MAK: variants seen among roughly 807,000 people sequenced by gnomAD.
MAK encodes the protein male germ cell associated kinase, also known as serine/threonine-protein kinase MAK.
Under a neutral mutation model 82.6 loss-of-function variants are expected in MAK, and 65 were observed. That is an observed-to-expected ratio of 0.79 (90% CI 0.64 to 0.97). The LOEUF (loss-of-function observed/expected upper bound fraction) is 0.97, where lower values mean the gene tolerates loss of function less well. Among genes scored for constraint, MAK ranks in the 50% least tolerant of loss-of-function variants. MAK has a pLI of 0.00. For synonymous variants in MAK, 250 were observed against 274.2 expected (o/e 0.91, Z 0.87); for missense variants, 703 against 780.2 (o/e 0.90, Z 1.18).
intron 2 of MAK, among the ~76,000 whole-genome samples, chr6:10,827,033 C>T (rs1778426224): frequency 6.6e-6 from 1 of 152,166 alleles, no homozygotes; most frequent in Non-Finnish European, 1.5e-5. Context: ...ATCGCTTGAA[C>T]CCAGGAGGCA....
rs146443407 is a variant in MAK at position 10,833,591 on chromosome 6, C to T, written c.-229-2714G>A. On this transcript the variant is annotated intron_variant, in intron 1 of 14. Transcript: ENST00000354489. ...CTGCACTCCCACCTGGGCAACAGTG[C>T]GAGACTCTGTCTCAAAATAATAATA... is the stretch of plus-strand genomic sequence containing the variant. Among the ~76,000 whole-genome samples, 613 of 145,630 alleles carry T rather than the reference C, an allele frequency of 4.2e-3. 5 individuals carry two copies. Among genetic ancestry groups the T allele is most frequent in the Middle Eastern group, 0.021 (6 of 290 alleles).
intron 4 of MAK, 91 bp downstream of exon 4, chr6:10,817,759 A>T: frequency 9.2e-7 from 1 of 1,082,652 alleles, no homozygotes; most frequent in Non-Finnish European, 1.3e-6. Flanking sequence ...TTTTGGAGCA[A>T]TCAATCTTTC....
At position 10,775,404 on chromosome 6, in the gene MAK, G is replaced by C. The variant is rs375261960; in HGVS notation, c.1521C>G (p.His507Gln). 1.2e-6 allele frequency: 2 copies of C among 1,613,910 alleles called. No homozygotes were observed. The highest frequency in any genetic ancestry group is 1.7e-6 in the Non-Finnish European group (2 of 1,179,918). ...LIASGKEINP[H>Q]TWSNQLFPKS... ...TGGGGAATAACTGGTTGCTCCAAGT[G>C]TGGGGGTTTATTTCCTTTCCACTGG... Residue 507 changes from histidine to glutamine, a missense_variant, in exon 12 of 15, where the codon CAC becomes CAG. Transcript: ENST00000354489.
At chr6:10,820,771 C>T (rs115398756) in intron 2 of MAK, among the ~76,000 whole-genome samples, 1,560 of 152,172 alleles carry the variant, frequency 0.01, 31 homozygotes, top group African/African-American at 0.036. Context: ...TTAAAAGATA[C>T]TTTTCAGTGC....
chr6:10,777,366 T>C (rs1430423644), intron 11 of MAK, among the ~76,000 whole-genome samples: 1 of 150,840 alleles, frequency 6.6e-6, no homozygotes, highest in African/African-American at 2.4e-5. Context: ...GAGCTGAGAC[T>C]GTGCCACTGC....
intron 11 of MAK, chr6:10,779,466 CG>C: frequency 1.0e-6 from 1 of 985,286 alleles, no homozygotes; most frequent in Non-Finnish European, 1.2e-6. Flanking sequence ...GTCACAGATC[CG>C]CCAGTCCTTG....
chr6:10,781,891 T>C (rs574879172), intron 11 of MAK, among the ~76,000 whole-genome samples: 5 of 152,130 alleles, frequency 3.3e-5, no homozygotes, highest in African/African-American at 9.6e-5. Context: ...AGCCTAAAAA[T>C]GTGCTTACAT....
At chr6:10,824,856 G>A (rs1348228283) in intron 2 of MAK, among the ~76,000 whole-genome samples, 1 of 152,124 alleles carries the variant, frequency 6.6e-6, no homozygotes, top group Non-Finnish European at 1.5e-5. Context: ...CACCGTGGCC[G>A]CCAGTTATGT....
At chr6:10,784,740 G>A (rs1272853117) in intron 10 of MAK, 168 bp from the exon 11 acceptor site, 28 of 699,358 alleles carry the variant, frequency 4.0e-5, no homozygotes, top group Admixed American at 1.0e-4. Flanking sequence ...CCCTCCACCC[G>A]CGTAGATATT....
rs1048260036 is a variant in MAK, at chr6:10,793,180, G to C, written c.1144-1333C>G. Among the ~76,000 whole-genome samples, 9 of 152,216 alleles carry C rather than the reference G, an allele frequency of 5.9e-5. No individual in the cohort carries two copies. Among genetic ancestry groups the C allele is most frequent in the Admixed American group, 2.0e-4 (3 of 15,274 alleles). ...TGAGCACTAAGGAAAAACAGTGATA[G>C]CTCATATAGACCACACTTTTTCATA... On this transcript the variant is annotated intron_variant, in intron 9 of 14. Coordinates refer to ENST00000354489, the MANE Select transcript of MAK (RefSeq NM_001242957.3). The surrounding 1 kb of genome is among the most constrained non-coding windows in gnomAD (Gnocchi z 4.6).
intron 10 of MAK, chr6:10,784,954 T>C (rs976460728): frequency 1.3e-5 from 6 of 463,546 alleles, no homozygotes; most frequent in Non-Finnish European, 2.2e-5. Context: ...ATGAGGTTGT[T>C]TGGGGCATGG....
At chr6:10,815,661 A>G (rs1467679720) in intron 4 of MAK, among the ~76,000 whole-genome samples, 2 of 152,006 alleles carry the variant, frequency 1.3e-5, no homozygotes, top group Non-Finnish European at 2.9e-5. Context: ...TGGTCTCGCT[A>G]TGTTGCCTAG....
intron 5 of MAK, among the ~76,000 whole-genome samples, chr6:10,812,554 C>A (rs983292878): frequency 6.6e-6 from 1 of 151,852 alleles, no homozygotes; most frequent in African/African-American, 2.4e-5. Flanking sequence ...GTGGGTGCTA[C>A]AAACTATTTA....
intron 12 of MAK, 92 bp from the exon 13 acceptor site, chr6:10,773,200 G>C (rs922373462): frequency 1.2e-5 from 8 of 684,854 alleles, no homozygotes; most frequent in Non-Finnish European, 1.8e-5. Context: ...TTAATGAAAA[G>C]ATCCAGAAAG....
At chr6:10,813,526 C>T (rs1777228192) in intron 5 of MAK, 118 bp downstream of exon 5, 2 of 715,676 alleles carry the variant, frequency 2.8e-6, no homozygotes, top group African/African-American at 1.8e-5. Context: ...TGTATAGGCA[C>T]ATACTCCAGA....
chr6:10,794,994 A>AAATAATAATAAT lies in MAK; in HGVS notation c.1143+992_1143+1003dup, dbSNP rs61082229. ...GCAACAAGAGCAAAACTCTGTCTCA[A>AAATAATAATAAT]AATAATAATAATAATAATAATAAAT... On this transcript the variant is annotated intron_variant, in intron 9 of 14. Coordinates refer to ENST00000354489, the MANE Select transcript of MAK (RefSeq NM_001242957.3). Among the ~76,000 whole-genome samples, 58 of 150,500 alleles carry AAATAATAATAAT rather than the reference A, an allele frequency of 3.9e-4. 1 individual carries two copies. The highest frequency in any genetic ancestry group is 1.4e-3 in the African/African-American group (57 of 40,990).
intron 10 of MAK, among the ~76,000 whole-genome samples, chr6:10,789,062 G>C (rs1774846579): frequency 6.7e-6 from 1 of 150,138 alleles, no homozygotes; most frequent in Non-Finnish European, 1.5e-5. Flanking sequence ...TAATCCATGT[G>C]TTTTGAAAAC....
intron 2 of MAK, among the ~76,000 whole-genome samples, chr6:10,828,170 A>G (rs1170122248): frequency 6.6e-6 from 1 of 152,170 alleles, no homozygotes; most frequent in Non-Finnish European, 1.5e-5. Context: ...TTCCTTGTAC[A>G]TGTAATGGTT....
At position 10,800,127 on chromosome 6, in the gene MAK, G is replaced by A. The variant is rs7746520; in HGVS notation, c.831+1765C>T. On this transcript the variant is annotated intron_variant, in intron 8 of 14. Coordinates refer to ENST00000354489, the MANE Select transcript of MAK (RefSeq NM_001242957.3). This position sits in a 1 kb window ranked among gnomAD's most constrained non-coding sequence, Gnocchi z 4.2. ...ACAAAAATACAAAAATAAGCCAAGC[G>A]TGGTGGCGGGCACCTGCAATCCCAG... 1.3e-5 allele frequency among the ~76,000 whole-genome samples: 2 copies of A among 151,856 alleles called. No homozygotes were observed. The highest frequency in any genetic ancestry group is 2.9e-5 in the Non-Finnish European group (2 of 68,004).
Sources: allele counts gnomAD v4.1 joint callset (sites outside exome capture counted in the v4.1 genomes callset), GRCh38; gene constraint gnomAD v4.1.1; non-coding constraint Gnocchi (gnomAD v3.1); transcripts MANE v1.5; gene names NCBI Gene and HGNC (gene_info 2026-07-23, HGNC 2026-07-21).